PGAP1: variants seen among roughly 807,000 people sequenced by gnomAD.
PGAP1 encodes post-GPI attachment to proteins inositol deacylase 1.
A neutral mutation model predicts 127.0 loss-of-function variants in PGAP1; 76 were observed. That is an observed-to-expected ratio of 0.60 (90% CI 0.50 to 0.72). The LOEUF is 0.72. PGAP1 is among the 30% of genes least tolerant of loss of function. The pLI is 0.00. For synonymous variants in PGAP1, 362 were observed against 366.5 expected, an observed-to-expected ratio of 0.99 and a Z score of 0.14; for missense variants, 982 against 1,071.3, an observed-to-expected ratio of 0.92 and a Z score of 1.16.
intron 1 of PGAP1, chr2:196,922,396 T>C (rs968303050): frequency 1.0e-6 from 1 of 984,600 alleles, no homozygotes; most frequent in Non-Finnish European, 1.2e-6. Context: ...GTTTTTAAGT[T>C]CTCACAAAGA....
intron 11 of PGAP1, 137 bp downstream of exon 11, chr2:196,885,697 A>C: frequency 1.5e-6 from 1 of 683,348 alleles, no homozygotes. Flanking sequence ...CATTTCCTTT[A>C]CTTTTCATTT....
intron 19 of PGAP1, among the ~76,000 whole-genome samples, chr2:196,867,561 ATGTGTATACCTAT>A (rs1241665198): frequency 6.6e-6 from 1 of 152,188 alleles, no homozygotes; most frequent in East Asian, 1.9e-4. Flanking sequence ...CCAACACAGC[ATGTGTATACCTAT>A]GGAACAAACC....
intron 19 of PGAP1, among the ~76,000 whole-genome samples, chr2:196,866,593 G>C (rs370499895): frequency 6.6e-6 from 1 of 151,794 alleles, no homozygotes; most frequent in Admixed American, 6.6e-5. Context: ...ACCAAAAGCA[G>C]TGGCAACAAA....
intron 4 of PGAP1, among the ~76,000 whole-genome samples, chr2:196,904,235 GTC>G (rs1312623620): frequency 1.3e-5 from 2 of 152,200 alleles, no homozygotes; most frequent in African/African-American, 4.8e-5. Context: ...CAGATCTTCA[GTC>G]TCTTACTGTG....
rs935892117 is a variant in PGAP1, at chr2:196,837,202, T to A, written c.*4032A>T. The A allele has an allele frequency of 4.6e-5, 7 of 152,212 alleles. No homozygotes were observed. The highest frequency in any genetic ancestry group is 1.7e-4 in the African/African-American group (7 of 41,456). 9.4% of individuals were successfully genotyped at this position (152,212 alleles called of 1,614,324 possible). On this transcript the variant is annotated 3_prime_UTR_variant, in exon 27 of 27. Transcript: ENST00000354764. Reference sequence around the variant, plus strand: ...TTCATAGTTTTGTGTTTCCTCCATTTCCCAGAGCTTTCAAGAACTAAACTG... The same window carrying A: ...TTCATAGTTTTGTGTTTCCTCCATTACCCAGAGCTTTCAAGAACTAAACTG...
At position 196,916,430 on chromosome 2, in the gene PGAP1, G is replaced by T; in HGVS notation, c.465C>A (p.Leu155=). 6.2e-7 allele frequency: 1 copy of T among 1,608,506 alleles called. No individual in the cohort carries two copies. Among genetic ancestry groups the T allele is most frequent in the South Asian group, 1.1e-5 (1 of 89,832 alleles). ...KFVHECIKTI[L]KLYKGQEFAP... ...ACTTATCTCTCACCTTATAGAGTTT[G>T]AGAATTGTTTTAATACATTCATGTA... Residue 155 remains leucine, a synonymous_variant, in exon 3 of 27, where the codon CTC becomes CTA. Transcript: ENST00000354764.
intron 20 of PGAP1, among the ~76,000 whole-genome samples, chr2:196,851,953 T>A (rs926012094): frequency 2.0e-5 from 3 of 152,176 alleles, no homozygotes; most frequent in Non-Finnish European, 4.4e-5. Context: ...TTACTTTTGG[T>A]TTTCTGTGTG....
chr2:196,919,966 G>C, intron 2 of PGAP1, 31 bp downstream of exon 2: 1 of 1,579,472 alleles, frequency 6.3e-7, no homozygotes, highest in Non-Finnish European at 8.6e-7. Flanking sequence ...GAATTTTATA[G>C]CTTTCAAAAT....
chr2:196,900,517 C>G (rs1702450250), intron 5 of PGAP1, among the ~76,000 whole-genome samples: 1 of 152,174 alleles, frequency 6.6e-6, no homozygotes, highest in Admixed American at 6.5e-5. Flanking sequence ...ACTGGAATAT[C>G]TGGAGGCTAA....
At chr2:196,875,535 C>G (rs904166611) in intron 14 of PGAP1, among the ~76,000 whole-genome samples, 1 of 152,062 alleles carries the variant, frequency 6.6e-6, no homozygotes, top group Non-Finnish European at 1.5e-5. Flanking sequence ...TACACACACG[C>G]AATTACCTGC....
At chr2:196,878,634 T>A (rs1701635761) in intron 13 of PGAP1, among the ~76,000 whole-genome samples, 1 of 152,162 alleles carries the variant, frequency 6.6e-6, no homozygotes, top group African/African-American at 2.4e-5. Flanking sequence ...CTGATACCAT[T>A]ACTACTATAG....
At chr2:196,902,428 C>T (rs1295803084) in intron 5 of PGAP1, among the ~76,000 whole-genome samples, 157 bp downstream of exon 5, 1 of 151,822 alleles carries the variant, frequency 6.6e-6, no homozygotes, top group Non-Finnish European at 1.5e-5. Context: ...CTCTCTTTCT[C>T]TCTTTCCCTC....
intron 12 of PGAP1, among the ~76,000 whole-genome samples, chr2:196,880,388 A>G (rs1701694683): frequency 6.6e-6 from 1 of 151,972 alleles, no homozygotes; most frequent in Non-Finnish European, 1.5e-5. Flanking sequence ...TATTCTTTGG[A>G]TCCCTTCATA....
chr2:196,902,244 C>T (rs1656533116), intron 5 of PGAP1, among the ~76,000 whole-genome samples: 1 of 152,094 alleles, frequency 6.6e-6, no homozygotes, highest in African/African-American at 2.4e-5. Context: ...CCCTATGTTG[C>T]CTAGGCTGAT....
chr2:196,918,131 C>G (rs912973084), intron 2 of PGAP1, among the ~76,000 whole-genome samples: 1 of 152,146 alleles, frequency 6.6e-6, no homozygotes, highest in Admixed American at 6.6e-5. Flanking sequence ...AAAGGAAATT[C>G]TCTTCATAGT....
At chr2:196,850,678 C>T (rs111670099) in intron 20 of PGAP1, among the ~76,000 whole-genome samples, 27 of 140,138 alleles carry the variant, frequency 1.9e-4, no homozygotes, top group African/African-American at 6.7e-4. Context: ...AACAGATGGA[C>T]GGTCAGAAGG....
chr2:196,906,998 G>A (rs938314562), intron 4 of PGAP1, among the ~76,000 whole-genome samples: 1 of 144,060 alleles, frequency 6.9e-6, no homozygotes, highest in African/African-American at 2.7e-5. Flanking sequence ...AAGAGATGTG[G>A]AGAATGGAAC....
chr2:196,862,375 A>G (rs1576114671), intron 20 of PGAP1, among the ~76,000 whole-genome samples: 1 of 152,140 alleles, frequency 6.6e-6, no homozygotes, highest in Admixed American at 6.5e-5. Context: ...GTCTCCTGAT[A>G]AGATGTTATC....
At chr2:196,924,174 T>C (rs932473823) in intron 1 of PGAP1, among the ~76,000 whole-genome samples, 1 of 152,094 alleles carries the variant, frequency 6.6e-6, no homozygotes. Context: ...AAAAAATGGA[T>C]AATAAAACTG....
Sources: allele counts gnomAD v4.1 joint callset (sites outside exome capture counted in the v4.1 genomes callset), GRCh38; gene constraint gnomAD v4.1.1; transcripts MANE v1.5; gene names NCBI Gene and HGNC (gene_info 2026-07-23, HGNC 2026-07-21).